Variants in CATSPERB observed in about 807,000 individuals in gnomAD.
The protein encoded by CATSPERB is catsper channel auxiliary subunit beta.
Under a neutral mutation model 128.3 loss-of-function variants are expected in CATSPERB, and 93 were observed. The observed-to-expected ratio is 0.72, with a 90% CI of 0.61 to 0.86. The LOEUF (loss-of-function observed/expected upper bound fraction) is 0.86. Ranked by LOEUF, CATSPERB falls within the 40% of genes least tolerant of loss-of-function variation. The pLI is 0.00. For missense variants in CATSPERB, 1,153 were observed against 1,329.5 expected, an observed-to-expected ratio of 0.87 and a Z score of 2.06; for synonymous variants, 381 against 448.8, an observed-to-expected ratio of 0.85 and a Z score of 1.91.
chr14:91,631,010 T>C (rs573583422), intron 17 of CATSPERB, among the ~76,000 whole-genome samples: 4 of 152,352 alleles, frequency 2.6e-5, no homozygotes, highest in Non-Finnish European at 4.4e-5. Context: ...TTCTTTAGCC[T>C]GGAAAGCTCT....
At chr14:91,693,341 G>A (rs1895502828) in intron 8 of CATSPERB, 43 bp downstream of exon 8, 2 of 1,557,144 alleles carry the variant, frequency 1.3e-6, no homozygotes, top group Non-Finnish European at 1.8e-6. Flanking sequence ...AAATATTGAT[G>A]TAAGTAAAAT....
chr14:91,595,963 C>A (rs1052312178), intron 22 of CATSPERB, among the ~76,000 whole-genome samples: 1 of 152,088 alleles, frequency 6.6e-6, no homozygotes, highest in Non-Finnish European at 1.5e-5. Context: ...GAATTGTTTT[C>A]TTAACTCTGA....
intron 15 of CATSPERB, among the ~76,000 whole-genome samples, chr14:91,640,985 A>C (rs1595159820): frequency 6.7e-6 from 1 of 148,610 alleles, no homozygotes; most frequent in African/African-American, 2.5e-5. Flanking sequence ...TCTGATGGCC[A>C]GTGATGATGA....
chr14:91,655,680 T>A (rs986274171), intron 15 of CATSPERB, among the ~76,000 whole-genome samples: 2 of 152,174 alleles, frequency 1.3e-5, no homozygotes, highest in Non-Finnish European at 2.9e-5. Context: ...GAATGAAGCA[T>A]GCTTGTAAAA....
intron 14 of CATSPERB, among the ~76,000 whole-genome samples, chr14:91,663,354 G>A (rs918914407): frequency 2.6e-5 from 4 of 152,030 alleles, no homozygotes; most frequent in Non-Finnish European, 5.9e-5. Flanking sequence ...AAATTACTTT[G>A]GAAATATCCT....
chr14:91,653,761 T>C (rs146018843), intron 15 of CATSPERB, among the ~76,000 whole-genome samples: 11 of 152,214 alleles, frequency 7.2e-5, no homozygotes, highest in African/African-American at 2.4e-4. Context: ...ACAACTCAAG[T>C]TGAGATTTGG....
chr14:91,643,887 G>A (rs2139809076), intron 15 of CATSPERB, among the ~76,000 whole-genome samples: 1 of 111,004 alleles, frequency 9.0e-6, no homozygotes, highest in South Asian at 3.7e-4. Context: ...TATGAATCTG[G>A]GTGCTCCTGT....
In CATSPERB at chr14:91,639,155, G is replaced by T. The variant is rs750360705; in HGVS notation, c.1528C>A (p.Arg510Ser). 3.1e-5 allele frequency: 50 copies of T among 1,613,800 alleles called. No homozygotes were observed. Among genetic ancestry groups the T allele is most frequent in the Non-Finnish European group, 4.1e-5 (48 of 1,179,938 alleles). Residue 510 changes from arginine to serine, a missense_variant, in exon 16 of 27, where the codon CGC becomes AGC. Coordinates refer to ENST00000256343, the MANE Select transcript of CATSPERB (RefSeq NM_024764.4). ...LGFLHKLTLG[R>S]FEASGPPTAF... ...GTGGGTGGTCCACTAGCTTCAAAGC[G>T]ACCCAGAGTCAGCTTATGTAGGAAT...
At chr14:91,695,141 T>C (rs1895540558) in intron 7 of CATSPERB, among the ~76,000 whole-genome samples, 1 of 151,380 alleles carries the variant, frequency 6.6e-6, no homozygotes, top group Admixed American at 6.6e-5. Flanking sequence ...TTTTTTTTTT[T>C]TTTTTTTTGA....
At chr14:91,656,322 CAT>C (rs1445116098) in intron 15 of CATSPERB, among the ~76,000 whole-genome samples, 1 of 152,036 alleles carries the variant, frequency 6.6e-6, no homozygotes, top group African/African-American at 2.4e-5. Context: ...GTAAACTACT[CAT>C]ATGTTGAGTA....
chr14:91,601,476 A>G (rs1893606323), intron 22 of CATSPERB, among the ~76,000 whole-genome samples: 1 of 152,188 alleles, frequency 6.6e-6, no homozygotes, highest in Non-Finnish European at 1.5e-5. Flanking sequence ...GAGAATGAAT[A>G]TATATGGTAA....
At chr14:91,680,585 T>G (rs1322592147) in intron 11 of CATSPERB, among the ~76,000 whole-genome samples, 1 of 152,224 alleles carries the variant, frequency 6.6e-6, no homozygotes, top group Non-Finnish European at 1.5e-5. Flanking sequence ...TCCATTCTAA[T>G]CTGGCCTGAA....
intron 5 of CATSPERB, among the ~76,000 whole-genome samples, chr14:91,718,845 G>A (rs892890350): frequency 2.6e-5 from 4 of 151,584 alleles, no homozygotes; most frequent in African/African-American, 9.7e-5. Flanking sequence ...TTTGTTTAAC[G>A]CACCTATCAT....
chr14:91,605,063 T>A (rs760906210), intron 22 of CATSPERB: 135 of 1,214,110 alleles, frequency 1.1e-4, no homozygotes, highest in Non-Finnish European at 1.5e-4. Flanking sequence ...GTCTTCCTTT[T>A]TTCTGGCACT....
intron 14 of CATSPERB, 117 bp downstream of exon 14, chr14:91,669,697 C>T: frequency 1.0e-6 from 1 of 953,378 alleles, no homozygotes. Context: ...TATTGTCTTC[C>T]CTCCCACTGC....
intron 7 of CATSPERB, among the ~76,000 whole-genome samples, chr14:91,696,811 C>G (rs1418214101): frequency 6.6e-6 from 1 of 152,128 alleles, no homozygotes; most frequent in Admixed American, 6.5e-5. Context: ...AACACAAGGG[C>G]TGAGGGGTAG....
intron 22 of CATSPERB, among the ~76,000 whole-genome samples, chr14:91,600,006 C>G (rs191887885): frequency 2.8e-4 from 43 of 152,326 alleles, no homozygotes; most frequent in South Asian, 1.9e-3. Flanking sequence ...GGATATAGCA[C>G]ATTTTGTTTA....
rs778453509 is a variant in CATSPERB at position 91,621,619 on chromosome 14, C to T, written c.2249G>A (p.Arg750Gln). The change falls in exon 19 of 27, where the codon CGG becomes CAG. Residue 750 changes from arginine (R) to glutamine (Q), a missense_variant. Coordinates refer to ENST00000256343, the MANE Select transcript of CATSPERB (RefSeq NM_024764.4). ...CAAAACAAACTTACCTTTTGCATTC[C>T]GTATGACCTTAGCTTTTAAAACATA... Reference protein sequence around the residue: ...NSYVLKAKVIRNAKGFRMLEI... With the variant: ...NSYVLKAKVIQNAKGFRMLEI... The T allele has an allele frequency of 2.6e-5, 42 of 1,588,412 alleles. 1 individual carries two copies. In the Middle Eastern group the frequency reaches 5.1e-4, roughly 19 times the overall value.
chr14:91,702,675 A>ACACACAC (rs1895669455), intron 7 of CATSPERB, among the ~76,000 whole-genome samples: 2 of 145,500 alleles, frequency 1.4e-5, no homozygotes, highest in African/African-American at 2.6e-5. Context: ...CAAAAAAGAA[A>ACACACAC]ACACACACAC....
Sources: gnomAD v4.1 joint callset for allele counts (sites outside exome capture counted in the v4.1 genomes callset) on GRCh38, gnomAD v4.1.1 for gene constraint, MANE v1.5 for transcripts, NCBI Gene and HGNC (gene_info 2026-07-23, HGNC 2026-07-21) for gene names.